ZMAT4: variants seen among roughly 807,000 people sequenced by gnomAD.
The protein encoded by ZMAT4 is zinc finger matrin-type protein 4.
Under a neutral mutation model 28.7 loss-of-function variants are expected in ZMAT4, and 17 were observed. That is an observed-to-expected ratio of 0.59 (90% CI 0.41 to 0.89). The LOEUF (loss-of-function observed/expected upper bound fraction) is 0.89. Among genes scored for constraint, ZMAT4 ranks in the 40% least tolerant of loss-of-function variants. ZMAT4 has a pLI of 0.00. For synonymous variants in ZMAT4, 117 were observed against 109.2 expected (o/e 1.07, Z -0.44); for missense variants, 240 against 283.8 (o/e 0.85, Z 1.11).
At chr8:40,738,035 T>C (rs1811845748) in intron 3 of ZMAT4, among the ~76,000 whole-genome samples, 1 of 152,032 alleles carries the variant, frequency 6.6e-6, no homozygotes, top group East Asian at 1.9e-4. Context: ...AAGTCAGTAT[T>C]GGATGGGTTG....
chr8:40,610,757 T>A (rs1040404612), intron 5 of ZMAT4, among the ~76,000 whole-genome samples: 4 of 151,994 alleles, frequency 2.6e-5, no homozygotes. Flanking sequence ...TGATGCCTCA[T>A]GCCCTCTTGA....
At chr8:40,622,441 C>T (rs974545436) in intron 5 of ZMAT4, among the ~76,000 whole-genome samples, 1 of 152,190 alleles carries the variant, frequency 6.6e-6, no homozygotes, top group Non-Finnish European at 1.5e-5. Flanking sequence ...GAAAAAAGAA[C>T]ACTGGCAGAA....
At chr8:40,653,197 C>G (rs1394112027) in intron 5 of ZMAT4, among the ~76,000 whole-genome samples, 1 of 151,888 alleles carries the variant, frequency 6.6e-6, no homozygotes, top group Non-Finnish European at 1.5e-5. Flanking sequence ...AAAAAATATA[C>G]TGAGATAAAT....
chr8:40,653,967 G>A (rs1358391300), intron 5 of ZMAT4, among the ~76,000 whole-genome samples: 1 of 152,122 alleles, frequency 6.6e-6, no homozygotes, highest in Non-Finnish European at 1.5e-5. Context: ...GCCCCGGGTT[G>A]GTTCCTCCTT....
At chr8:40,596,073 C>G (rs1260014392) in intron 5 of ZMAT4, among the ~76,000 whole-genome samples, 1 of 151,996 alleles carries the variant, frequency 6.6e-6, no homozygotes, top group East Asian at 1.9e-4. Context: ...GTCTGGGTGA[C>G]AAGACCAAAA....
At chr8:40,548,622 T>C (rs1414869468) in intron 6 of ZMAT4, among the ~76,000 whole-genome samples, 1 of 152,192 alleles carries the variant, frequency 6.6e-6, no homozygotes, top group African/African-American at 2.4e-5. Flanking sequence ...TCAGATAATG[T>C]CTCACCATCG....
intron 2 of ZMAT4, among the ~76,000 whole-genome samples, chr8:40,784,420 C>G (rs1468580098): frequency 6.6e-6 from 1 of 152,078 alleles, no homozygotes; most frequent in African/African-American, 2.4e-5. Context: ...GGCTGTTCTT[C>G]TCTCCATACA....
intron 5 of ZMAT4, among the ~76,000 whole-genome samples, chr8:40,609,460 G>A (rs1805716305): frequency 6.6e-6 from 1 of 152,116 alleles, no homozygotes; most frequent in Admixed American, 6.5e-5. Context: ...TTCACCTTGA[G>A]CATCCTGAGG....
chr8:40,646,341 C>A (rs1358484847), intron 5 of ZMAT4, among the ~76,000 whole-genome samples: 1 of 150,756 alleles, frequency 6.6e-6, no homozygotes, highest in African/African-American at 2.4e-5. Flanking sequence ...AGCTATATTT[C>A]TTTGTATTTC....
At chr8:40,567,632 G>A (rs1315533688) in intron 6 of ZMAT4, among the ~76,000 whole-genome samples, 1 of 151,696 alleles carries the variant, frequency 6.6e-6, no homozygotes, top group Non-Finnish European at 1.5e-5. Context: ...CCCCCTGGGA[G>A]GCGGAGGTTG....
chr8:40,770,626 C>A (rs1451142336), intron 2 of ZMAT4, among the ~76,000 whole-genome samples: 1 of 147,790 alleles, frequency 6.8e-6, no homozygotes, highest in South Asian at 2.1e-4. Context: ...CAGCTCACTG[C>A]AACCTCCACC....
chr8:40,693,149 C>G (rs1275577940), intron 4 of ZMAT4, among the ~76,000 whole-genome samples: 1 of 152,162 alleles, frequency 6.6e-6, no homozygotes, highest in Non-Finnish European at 1.5e-5. Flanking sequence ...CAGGGTTTCA[C>G]TCTGTCACCC....
chr8:40,770,549 A>ATTTT (rs60467361), intron 2 of ZMAT4, among the ~76,000 whole-genome samples: 38 of 117,718 alleles, frequency 3.2e-4, no homozygotes, highest in South Asian at 8.8e-4. Context: ...TTTCTCTCTC[A>ATTTT]TTTTTTTTTT....
At chr8:40,819,532 C>G (rs753971485) in intron 2 of ZMAT4, among the ~76,000 whole-genome samples, 1 of 152,130 alleles carries the variant, frequency 6.6e-6, no homozygotes, top group East Asian at 1.9e-4. Context: ...GAGCAAAGCT[C>G]TACAGGGGGG....
chr8:40,758,900 C>T (rs1374990900), intron 3 of ZMAT4, among the ~76,000 whole-genome samples: 2 of 152,144 alleles, frequency 1.3e-5, no homozygotes, highest in Admixed American at 1.3e-4. Flanking sequence ...ATCAGTAATG[C>T]TTTCTAATCA....
intron 5 of ZMAT4, among the ~76,000 whole-genome samples, chr8:40,617,197 G>C (rs1806039847): frequency 6.6e-6 from 1 of 152,148 alleles, no homozygotes; most frequent in African/African-American, 2.4e-5. Context: ...TAAAAATACA[G>C]AGTACTTCCC....
intron 2 of ZMAT4, among the ~76,000 whole-genome samples, chr8:40,820,369 C>A (rs946818032): frequency 7.8e-6 from 1 of 127,802 alleles, no homozygotes; most frequent in African/African-American, 3.0e-5. Context: ...TGTGTGTCTA[C>A]GTGTGTGGGT....
chr8:40,873,670 T>C (rs1191466238), intron 1 of ZMAT4, among the ~76,000 whole-genome samples: 1 of 152,212 alleles, frequency 6.6e-6, no homozygotes, highest in Admixed American at 6.5e-5. Context: ...TGCCATGCTC[T>C]GCCCATGGAA....
intron 5 of ZMAT4, among the ~76,000 whole-genome samples, chr8:40,621,926 C>A (rs891615114): frequency 1.3e-5 from 2 of 152,142 alleles, no homozygotes; most frequent in African/African-American, 4.8e-5. Context: ...GAACTAACAG[C>A]AGTTATGGGG....
Sources: allele counts gnomAD v4.1 joint callset (sites outside exome capture counted in the v4.1 genomes callset), GRCh38; gene constraint gnomAD v4.1.1; transcripts MANE v1.5; gene names NCBI Gene and HGNC (gene_info 2026-07-23, HGNC 2026-07-21).